Variants in THOC1 observed in about 807,000 individuals in gnomAD.
The protein encoded by THOC1 is THO complex subunit 1, also known as THO complex 1.
A neutral mutation model predicts 97.3 loss-of-function variants in THOC1; 29 were observed. The ratio of observed to expected loss-of-function variants is 0.30; its 90% CI spans 0.22 to 0.41. The LOEUF (loss-of-function observed/expected upper bound fraction) is 0.41, where lower values mean the gene tolerates loss of function less well. Ranked by LOEUF, THOC1 falls within the 10% of genes least tolerant of loss-of-function variation. The pLI is 1.00. For missense variants in THOC1, 529 were observed against 761.9 expected (o/e 0.69, Z 3.60); for synonymous variants, 255 against 257.0 (o/e 0.99, Z 0.07).
intron 7 of THOC1, among the ~76,000 whole-genome samples, chr18:257,041 A>AT (rs1035461605): frequency 1.3e-5 from 2 of 152,180 alleles, no homozygotes; most frequent in African/African-American, 4.8e-5. Context: ...CGGTATGTAC[A>AT]TTTTTTTAGA....
intron 8 of THOC1, among the ~76,000 whole-genome samples, chr18:253,110 AT>A (rs1181997889): frequency 1.3e-5 from 2 of 152,250 alleles, no homozygotes; most frequent in African/African-American, 4.8e-5. Flanking sequence ...AAAATTGATA[AT>A]TCACACTGTT....
In THOC1 at chr18:214,755, C is replaced by G. The variant is rs371637037; in HGVS notation, c.1845G>C (p.Gln615His). ...DSEDMKMRAK[Q>H]LLVAWQDQEG... ...CTTGATCTTGCCAGGCAACCAGGAG[C>G]TGCTTAGCTCTCATCTTCATGTCTT... Residue 615 changes from glutamine (Q) to histidine (H), a missense_variant, in exon 21 of 21, where the codon CAG becomes CAC. Gln to His is a conservative substitution (Grantham distance 24). Coordinates refer to ENST00000261600, the MANE Select transcript of THOC1 (RefSeq NM_005131.3). 1 of 1,613,840 alleles carries G rather than the reference C, an allele frequency of 6.2e-7. No individual in the cohort carries two copies. The highest frequency in any genetic ancestry group is 8.5e-7 in the Non-Finnish European group (1 of 1,179,882).
Position 254,444 on chromosome 18 carries a change from G to A in THOC1, c.521-89C>T. 2.6e-6 allele frequency: 2 copies of A among 781,292 alleles called. No individual in the cohort carries two copies. Among genetic ancestry groups the A allele is most frequent in the Non-Finnish European group, 4.2e-6 (2 of 472,494 alleles). 48.4% of individuals were successfully genotyped at this position (781,292 alleles called of 1,614,324 possible). A position where few individuals can be genotyped will look rare whatever the true frequency, so the allele number is the denominator to read the frequency against. On this transcript the variant is annotated intron_variant, in intron 7 of 20. Coordinates refer to ENST00000261600, the MANE Select transcript of THOC1 (RefSeq NM_005131.3). The surrounding 1 kb of genome is among the most constrained non-coding windows in gnomAD (Gnocchi z 4.1). ...TGTGTCATAATCAAAACTACAAAAT[G>A]CCAAATCCATAAAGAGCAGTCAAAA...
intron 4 of THOC1, chr18:261,195 GTCTA>G (rs1428894848): frequency 1.3e-5 from 2 of 152,242 alleles, no homozygotes; most frequent in African/African-American, 2.4e-5. Context: ...GGTCTACGTA[GTCTA>G]TCTAGACTAC....
chr18:259,958 C>G (rs1239516766), intron 5 of THOC1: 4 of 522,550 alleles, frequency 7.7e-6, no homozygotes, highest in Non-Finnish European at 1.3e-5. Context: ...TGTGAATTTT[C>G]AAGTTAATTT....
intron 19 of THOC1, 54 bp downstream of exon 19, chr18:216,432 A>G (rs374309985): frequency 1.3e-6 from 2 of 1,568,972 alleles, no homozygotes; most frequent in African/African-American, 1.4e-5. Flanking sequence ...AGTGACAGCA[A>G]TTTTAAAGAA....
At chr18:217,209 T>C (rs1910923319) in intron 18 of THOC1, among the ~76,000 whole-genome samples, 1 of 152,242 alleles carries the variant, frequency 6.6e-6, no homozygotes, top group South Asian at 2.1e-4. Context: ...TCACCTCTTA[T>C]AAATAAGCAT....
In THOC1 at chr18:225,010, C is replaced by T. The variant is rs111499826; in HGVS notation, c.1138-16G>A. On this transcript the variant is annotated splice_polypyrimidine_tract_variant and intron_variant, in intron 14 of 20. Transcript: ENST00000261600. Reference sequence around the variant, plus strand: ...TTAATATATGCTGGGAAAAACAAAGCGATTACATTTTGGTTAGTGGAATCC... The same window carrying T: ...TTAATATATGCTGGGAAAAACAAAGTGATTACATTTTGGTTAGTGGAATCC... 216 of 1,567,036 alleles carry T rather than the reference C, an allele frequency of 1.4e-4. 1 individual carries two copies. The East Asian group carries it at 3.0e-3, about 22-fold the overall frequency.
In THOC1 at chr18:224,152, T is replaced by A; in HGVS notation, c.1236A>T (p.Ile412=). ...CCTCGGGTGCTGTTCTCTTCCGAAT[T>A]ATTCTCGTAGGTTTGGTATCTGATG... ...ERTSDTKPTR[I]IRKRTAPEDF... Residue 412 remains isoleucine, a synonymous_variant, in exon 16 of 21, where the codon ATA becomes ATT. Transcript: ENST00000261600. 6.2e-7 allele frequency: 1 copy of A among 1,610,770 alleles called. No homozygotes were observed. Among genetic ancestry groups the A allele is most frequent in the Non-Finnish European group, 8.5e-7 (1 of 1,178,322 alleles).
intron 5 of THOC1, 194 bp from the exon 6 acceptor site, chr18:259,924 GTAAC>G: frequency 7.4e-6 from 4 of 538,878 alleles, no homozygotes; most frequent in Admixed American, 4.0e-5. Context: ...ATGATACTAA[GTAAC>G]TGTTTTAAAC....
chr18:221,930 C>T (rs1322380249), intron 17 of THOC1, among the ~76,000 whole-genome samples: 1 of 152,048 alleles, frequency 6.6e-6, no homozygotes, highest in Admixed American at 6.6e-5. Context: ...AAATATAACA[C>T]CAATTTCTGT....
At chr18:236,395 G>A (rs1270914422) in intron 11 of THOC1, among the ~76,000 whole-genome samples, 1 of 119,814 alleles carries the variant, frequency 8.3e-6, no homozygotes, top group Non-Finnish European at 1.6e-5. Context: ...TCGCTCTGTC[G>A]CCCAGGCGGG....
At chr18:237,883 T>G (rs1230235173) in intron 11 of THOC1, among the ~76,000 whole-genome samples, 1 of 152,188 alleles carries the variant, frequency 6.6e-6, no homozygotes, top group Non-Finnish European at 1.5e-5. Flanking sequence ...TTTTTTCTTT[T>G]TGAGATGGAG....
At chr18:221,725 C>A (rs1911091278) in intron 17 of THOC1, among the ~76,000 whole-genome samples, 1 of 151,376 alleles carries the variant, frequency 6.6e-6, no homozygotes. Flanking sequence ...TCTCCTGCCT[C>A]AGCCTCCCAA....
intron 20 of THOC1, 135 bp from the exon 21 acceptor site, chr18:215,056 C>T: frequency 1.3e-6 from 1 of 797,186 alleles, no homozygotes; most frequent in East Asian, 2.7e-5. Flanking sequence ...TTTTTATATT[C>T]TCCGTAAGTT....
intron 4 of THOC1, chr18:263,794 T>G: frequency 4.8e-6 from 2 of 416,936 alleles, no homozygotes; most frequent in Non-Finnish European, 8.7e-6. Flanking sequence ...ATTTACTGAA[T>G]GAACAAAACA....
At chr18:259,843 A>G (rs536342791) in intron 5 of THOC1, 113 bp from the exon 6 acceptor site, 15 of 683,464 alleles carry the variant, frequency 2.2e-5, no homozygotes, top group Non-Finnish European at 3.5e-5. Context: ...AGAATCTACT[A>G]TGCCACTTTC....
chr18:224,087 C>A lies in THOC1; in HGVS notation c.1301G>T (p.Gly434Val). Residue 434 changes from glycine to valine, a missense_variant, in exon 16 of 21, where the codon GGA becomes GTA. Gly to Val is a moderately radical substitution (Grantham distance 109). Coordinates refer to ENST00000261600, the MANE Select transcript of THOC1 (RefSeq NM_005131.3). ...GKGPTKKILM[G>V]NEELTRLWNL... ...ACATGAAGACAAATTCACCTACTTT[C>A]CCATCAGAATTTTTTTGGTGGGTCC... 6.3e-7 allele frequency: 1 copy of A among 1,598,980 alleles called. No individual in the cohort carries two copies. The highest frequency in any genetic ancestry group is 8.5e-7 in the Non-Finnish European group (1 of 1,169,812).
chr18:259,111 A>G (rs1275261227), intron 7 of THOC1, 69 bp downstream of exon 7: 3 of 1,169,336 alleles, frequency 2.6e-6, no homozygotes, highest in Non-Finnish European at 3.7e-6. Context: ...TTATCATGAC[A>G]GATTTTAATC....
Sources: gnomAD v4.1 joint callset for allele counts (sites outside exome capture counted in the v4.1 genomes callset) on GRCh38, gnomAD v4.1.1 for gene constraint, Gnocchi (gnomAD v3.1) non-coding constraint, MANE v1.5 for transcripts, NCBI Gene and HGNC (gene_info 2026-07-23, HGNC 2026-07-21) for gene names.